The following PAFAH1B2 variants were observed in gnomAD, a reference collection of about 807,000 sequenced individuals.
The protein encoded by PAFAH1B2 is platelet activating factor acetylhydrolase 1b catalytic subunit 2, also known as platelet-activating factor acetylhydrolase IB subunit alpha2.
Under a neutral mutation model 28.0 loss-of-function variants are expected in PAFAH1B2, and 8 were observed. That is an observed-to-expected ratio of 0.29 (90% confidence interval 0.17 to 0.52). The LOEUF (loss-of-function observed/expected upper bound fraction) is 0.52, where lower values mean the gene tolerates loss of function less well. Among genes scored for constraint, PAFAH1B2 ranks in the 20% least tolerant of loss-of-function variants. The probability of loss-of-function intolerance (pLI) is 0.97; values close to 1 mark genes in which losing one functional copy is unlikely to be tolerated. For synonymous variants in PAFAH1B2, 104 were observed against 103.2 expected, an observed-to-expected ratio of 1.01 and a Z score of -0.05; for missense variants, 190 against 282.6, an observed-to-expected ratio of 0.67 and a Z score of 2.35.
intron 1 of PAFAH1B2, among the ~76,000 whole-genome samples, chr11:117,151,384 C>T (rs909837059): frequency 1.3e-5 from 2 of 151,838 alleles, no homozygotes; most frequent in Non-Finnish European, 2.9e-5. Context: ...TGCATGCCAC[C>T]ATGCCCAGCT....
rs758794087 is a variant in PAFAH1B2 at position 117,163,763 on chromosome 11, A to G, written c.289-7A>G. The G allele has an allele frequency of 1.9e-6, 3 of 1,610,744 alleles. No homozygotes were observed. The highest frequency in any genetic ancestry group is 1.3e-5 in the African/African-American group (1 of 74,542). ...TTCTCCTTCCCCCCTTTTTTCTTCAATTGCAGGTCATTGTTGTCTGGGTAG... is the reference window on the plus strand; with the variant it reads ...TTCTCCTTCCCCCCTTTTTTCTTCAGTTGCAGGTCATTGTTGTCTGGGTAG... On this transcript the variant is annotated splice_polypyrimidine_tract_variant and splice_region_variant and intron_variant, in intron 4 of 5. Transcript: ENST00000527958.
At position 117,168,444 on chromosome 11, in the gene PAFAH1B2, CCGTTT is replaced by C; in HGVS notation, c.*746_*750del. On this transcript the variant is annotated 3_prime_UTR_variant, in exon 6 of 6. Coordinates refer to ENST00000527958, the MANE Select transcript of PAFAH1B2 (RefSeq NM_002572.4). ...TTTCCCCTTCATTCCCCCCGCCACC[CCGTTT>C]TTTTTTTTTTTTTTTTTTTTTTGGT... The C allele has an allele frequency of 2.7e-5, 12 of 438,176 alleles. No homozygotes were observed. The highest frequency in any genetic ancestry group is 5.3e-5 in the African/African-American group (1 of 18,928). The allele number at this position is 438,176 out of a possible 1,614,324, so 27.1% of individuals were successfully genotyped here.
chr11:117,165,239 A>G (rs1956479189), intron 5 of PAFAH1B2, among the ~76,000 whole-genome samples: 1 of 150,622 alleles, frequency 6.6e-6, no homozygotes, highest in South Asian at 2.1e-4. Flanking sequence ...GACGTGAGCC[A>G]TCACGCCTGG....
Position 117,168,748 on chromosome 11 carries a change from ATATCT to A in PAFAH1B2, c.*1052_*1056del, listed in dbSNP as rs1189700960. 2.2e-5 allele frequency: 23 copies of A among 1,038,888 alleles called. No individual in the cohort carries two copies. The highest frequency in any genetic ancestry group is 1.5e-4 in the African/African-American group (9 of 60,020). The allele number at this position is 1,038,888 out of a possible 1,614,324, so 64.4% of individuals were successfully genotyped here. ...ACCTGACATTATTTCAAGTTTTATA[ATATCT>A]TAAGGTGTATATTTTATTTTTTTTA... is the stretch of plus-strand genomic sequence containing the variant. On this transcript the variant is annotated 3_prime_UTR_variant, in exon 6 of 6. Coordinates refer to ENST00000527958, the MANE Select transcript of PAFAH1B2 (RefSeq NM_002572.4).
chr11:117,174,747 G>A, downstream of PAFAH1B2: 1 of 457,550 alleles, frequency 2.2e-6, no homozygotes, highest in Non-Finnish European at 3.9e-6. Flanking sequence ...CAAAGTGCTG[G>A]GATTACAGGC....
chr11:117,168,335 T>C lies in PAFAH1B2; in HGVS notation c.*636T>C, dbSNP rs1956558177. On this transcript the variant is annotated 3_prime_UTR_variant, in exon 6 of 6. Transcript: ENST00000527958. Reference sequence around the variant, plus strand: ...CCCAGTAGAGGGATTCTTTGGAGGGTATTATTTTTTATGCTGCTGAATATC... The same window carrying C: ...CCCAGTAGAGGGATTCTTTGGAGGGCATTATTTTTTATGCTGCTGAATATC... 1 of 1,063,774 alleles carries C rather than the reference T, an allele frequency of 9.4e-7. No homozygotes were observed. Among genetic ancestry groups the C allele is most frequent in the East Asian group, 5.0e-5 (1 of 19,962 alleles). 65.9% of individuals were successfully genotyped at this position (1,063,774 alleles called of 1,614,324 possible).
At chr11:117,145,696 C>T (rs1955987695) in intron 1 of PAFAH1B2, among the ~76,000 whole-genome samples, 1 of 152,116 alleles carries the variant, frequency 6.6e-6, no homozygotes, top group Non-Finnish European at 1.5e-5. Context: ...TAAGGGCCGC[C>T]TTCTTCTTCA....
downstream of PAFAH1B2, chr11:117,175,959 C>T (rs896314683): frequency 1.3e-6 from 2 of 1,526,836 alleles, no homozygotes; most frequent in African/African-American, 1.4e-5. Flanking sequence ...TCCAGATGGA[C>T]TGAGGAAATC....
At chr11:117,148,056 CTT>C (rs201878667) in intron 1 of PAFAH1B2, among the ~76,000 whole-genome samples, 7,543 of 129,406 alleles carry the variant, frequency 0.058, 213 homozygotes, top group Middle Eastern at 0.12. Context: ...TTTTTTTTTT[CTT>C]TTTTTTTTTT....
downstream of PAFAH1B2, among the ~76,000 whole-genome samples, chr11:117,172,378 ATATATATATATATATATATATATATATT>A (rs1331954917): frequency 1.3e-4 from 1 of 7,790 alleles, no homozygotes; most frequent in Admixed American, 2.3e-3. Context: ...ATATATATAT[ATATATATATATATATATATATATATATT>A]TTTTTTTTTT....
At chr11:117,146,838 GGAAA>G (rs1565258616) in intron 1 of PAFAH1B2, among the ~76,000 whole-genome samples, 3 of 135,838 alleles carry the variant, frequency 2.2e-5, no homozygotes, top group Non-Finnish European at 4.6e-5. Flanking sequence ...CCCATCTATT[GGAAA>G]AAAAAAAAAA....
At chr11:117,164,223 C>G (rs554628217) in intron 5 of PAFAH1B2, 44 of 164,530 alleles carry the variant, frequency 2.7e-4, no homozygotes, top group Non-Finnish European at 4.7e-4. Flanking sequence ...CTGGCTAACA[C>G]GGTGAAACCC....
chr11:117,150,893 C>A (rs1165786062), intron 1 of PAFAH1B2, among the ~76,000 whole-genome samples: 1 of 151,106 alleles, frequency 6.6e-6, no homozygotes, highest in Non-Finnish European at 1.5e-5. Flanking sequence ...GAGGCTGAGG[C>A]AGGAGAATGG....
Position 117,149,430 on chromosome 11 carries a change from G to GGTTTTTTTTTTTTTTT in PAFAH1B2, c.-7-3011_-7-3010insGTTTTTTTTTTTTTTT, listed in dbSNP as rs1956092325. Among the ~76,000 whole-genome samples the GGTTTTTTTTTTTTTTT allele has an allele frequency of 3.5e-5, 3 of 86,086 alleles. No homozygotes were observed. The East Asian group carries it at 8.6e-4, about 25-fold the overall frequency. 56.5% of individuals were successfully genotyped at this position (86,086 alleles called of 152,430 possible). On this transcript the variant is annotated intron_variant, in intron 1 of 5. Coordinates refer to ENST00000527958, the MANE Select transcript of PAFAH1B2 (RefSeq NM_002572.4). ...TTAATTTAAAAAAAGTTTTCTAATC[G>GGTTTTTTTTTTTTTTT]TTTTTTTTTTTTTTGAGATGGAGTC... is the stretch of plus-strand genomic sequence containing the variant.
intron 2 of PAFAH1B2, among the ~76,000 whole-genome samples, chr11:117,154,223 C>G (rs994638240): frequency 1.3e-5 from 2 of 152,026 alleles, no homozygotes; most frequent in Non-Finnish European, 2.9e-5. Context: ...AGTAGTGACT[C>G]ACACCTGTAA....
chr11:117,157,206 T>G (rs545010843), intron 2 of PAFAH1B2, among the ~76,000 whole-genome samples: 1 of 152,180 alleles, frequency 6.6e-6, no homozygotes, highest in African/African-American at 2.4e-5. Flanking sequence ...GCACAAAATA[T>G]GGAAGCAAGG....
Position 117,168,445 on chromosome 11 carries a change from C to CG in PAFAH1B2, c.*747dup. On this transcript the variant is annotated 3_prime_UTR_variant, in exon 6 of 6. Transcript: ENST00000527958. ...TTCCCCTTCATTCCCCCCGCCACCC[C>CG]GTTTTTTTTTTTTTTTTTTTTTTTT... 1.1e-5 allele frequency: 4 copies of CG among 353,512 alleles called. No homozygotes were observed. The highest frequency in any genetic ancestry group is 5.3e-5 in the African/African-American group (1 of 18,740). 21.9% of individuals were successfully genotyped at this position (353,512 alleles called of 1,614,324 possible). A position where few individuals can be genotyped will look rare whatever the true frequency, so the allele number is the denominator to read the frequency against.
chr11:117,144,631 T>G (rs945886271), intron 1 of PAFAH1B2, among the ~76,000 whole-genome samples: 2 of 152,060 alleles, frequency 1.3e-5, no homozygotes, highest in African/African-American at 4.8e-5. Context: ...GCAGCTAGTT[T>G]TCGCTCTGAG....
Position 117,146,385 on chromosome 11 carries a change from A to G in PAFAH1B2, c.-8+1967A>G, listed in dbSNP as rs75226842. Among the ~76,000 whole-genome samples the G allele has an allele frequency of 6.2e-3, 937 of 152,144 alleles. 9 individuals carry two copies. The highest frequency in any genetic ancestry group is 0.021 in the African/African-American group (854 of 41,506). On this transcript the variant is annotated intron_variant, in intron 1 of 5. Transcript: ENST00000527958. Reference sequence around the variant, plus strand: ...TGGGATAACAGGCGCAGGAAACCCAAAGTCACTCAGAAGTTTGCGTCTTAC... The same window carrying G: ...TGGGATAACAGGCGCAGGAAACCCAGAGTCACTCAGAAGTTTGCGTCTTAC...
Sources: allele counts gnomAD v4.1 joint callset (sites outside exome capture counted in the v4.1 genomes callset), GRCh38; gene constraint gnomAD v4.1.1; transcripts MANE v1.5; gene names NCBI Gene and HGNC (gene_info 2026-07-23, HGNC 2026-07-21).